Variants in SLC24A2 observed in about 807,000 individuals in gnomAD.
SLC24A2 encodes the protein solute carrier family 24 member 2.
A neutral mutation model predicts 62.0 loss-of-function variants in SLC24A2; 36 were observed. That is an observed-to-expected ratio of 0.58 (90% confidence interval 0.44 to 0.77). The LOEUF (loss-of-function observed/expected upper bound fraction) is 0.77. Ranked by LOEUF, SLC24A2 falls within the 30% of genes least tolerant of loss-of-function variation. SLC24A2 has a pLI of 0.00. For missense variants in SLC24A2, 846 were observed against 817.9 expected (o/e 1.03, Z -0.42); for synonymous variants, 358 against 294.0 (o/e 1.22, Z -2.23).
chr9:20,107,935 C>T, the SLC24A2 span, among the ~76,000 whole-genome samples: 62 of 152,216 alleles, frequency 4.1e-4, no homozygotes, highest in Middle Eastern at 0.01. Flanking sequence ...AAAATTTTCG[C>T]AACCTACTCA....
chr9:19,931,801 A>C, the SLC24A2 span, among the ~76,000 whole-genome samples: 3 of 152,362 alleles, frequency 2.0e-5, no homozygotes, highest in East Asian at 5.8e-4. Flanking sequence ...TATGTTCTTT[A>C]AACTCTCACC....
At chr9:19,784,620 G>A (rs948265780) in intron 2 of SLC24A2, among the ~76,000 whole-genome samples, 2 of 152,148 alleles carry the variant, frequency 1.3e-5, no homozygotes, top group African/African-American at 4.8e-5. Context: ...CACCTTTTTG[G>A]CTGCTAAGTT....
rs551773387 is a variant in SLC24A2 at position 19,619,772 on chromosome 9, G to T, written c.970-80C>A. 1.0e-4 allele frequency: 107 copies of T among 1,030,598 alleles called. No homozygotes were observed. The African/African-American group carries it at 1.4e-3, about 13-fold the overall frequency. The allele number at this position is 1,030,598 out of a possible 1,614,324, so 63.8% of individuals were successfully genotyped here. On this transcript the variant is annotated intron_variant, in intron 3 of 10. Transcript: ENST00000341998. ...TATAGACAAGATCCTCACCTAGTCTGGTGGCCACTCATTTCTGTCGCATGA... is the reference window on the plus strand; with the variant it reads ...TATAGACAAGATCCTCACCTAGTCTTGTGGCCACTCATTTCTGTCGCATGA...
chr9:19,879,407 G>C, the SLC24A2 span, among the ~76,000 whole-genome samples: 1 of 152,088 alleles, frequency 6.6e-6, no homozygotes, highest in Non-Finnish European at 1.5e-5. Context: ...TTTGAATTTA[G>C]GAAAACCTAT....
the SLC24A2 span, among the ~76,000 whole-genome samples, chr9:20,099,222 G>A: frequency 6.6e-6 from 1 of 152,192 alleles, no homozygotes; most frequent in Non-Finnish European, 1.5e-5. Context: ...GATATTTCTT[G>A]AAACATGTTA....
At chr9:19,566,853 C>A (rs959804767) in intron 7 of SLC24A2, among the ~76,000 whole-genome samples, 3 of 151,808 alleles carry the variant, frequency 2.0e-5, no homozygotes, top group African/African-American at 4.8e-5. Flanking sequence ...AGCAAACTAT[C>A]GCAAGAACAA....
chr9:20,097,357 A>T, the SLC24A2 span, among the ~76,000 whole-genome samples: 2 of 152,222 alleles, frequency 1.3e-5, no homozygotes, highest in Non-Finnish European at 2.9e-5. Flanking sequence ...GTCAGCAAAG[A>T]TTCACCACCA....
chr9:20,032,443 T>C, the SLC24A2 span, among the ~76,000 whole-genome samples: 4 of 152,328 alleles, frequency 2.6e-5, no homozygotes, highest in Admixed American at 6.5e-5. Context: ...TAAAGTGCAA[T>C]AATTACATCT....
At chr9:20,035,612 G>C in the SLC24A2 span, among the ~76,000 whole-genome samples, 173 of 152,196 alleles carry the variant, frequency 1.1e-3, no homozygotes, top group Non-Finnish European at 1.7e-3. Context: ...AAGTTAGCTG[G>C]GTGTGGTGGT....
the SLC24A2 span, among the ~76,000 whole-genome samples, chr9:19,891,080 C>G: frequency 5.9e-5 from 9 of 152,352 alleles, no homozygotes; most frequent in East Asian, 1.7e-3. Context: ...TGCATCCAGT[C>G]CATCTACAAG....
chr9:19,834,254 G>T, the SLC24A2 span, among the ~76,000 whole-genome samples: 1 of 152,140 alleles, frequency 6.6e-6, no homozygotes, highest in Non-Finnish European at 1.5e-5. Context: ...AGAGAAGAAG[G>T]CTTCAGAAGA....
chr9:20,203,796 T>C, the SLC24A2 span, among the ~76,000 whole-genome samples: 26 of 152,328 alleles, frequency 1.7e-4, no homozygotes, highest in Admixed American at 7.2e-4. Flanking sequence ...ACCCAAACTC[T>C]GTGGCAGCGG....
the SLC24A2 span, among the ~76,000 whole-genome samples, chr9:20,106,150 A>G: frequency 1.3e-5 from 2 of 152,224 alleles, no homozygotes; most frequent in African/African-American, 4.8e-5. Context: ...TAAACCAGGA[A>G]GAAGTTGAAT....
chr9:19,701,373 A>G (rs1820351701), intron 2 of SLC24A2, among the ~76,000 whole-genome samples: 1 of 152,190 alleles, frequency 6.6e-6, no homozygotes. Flanking sequence ...GTTGAGTGCT[A>G]AGGAATTCAT....
the SLC24A2 span, among the ~76,000 whole-genome samples, chr9:20,017,017 TTTTTA>T: frequency 6.6e-6 from 1 of 152,234 alleles, no homozygotes; most frequent in African/African-American, 2.4e-5. Context: ...TTAATCCTAC[TTTTTA>T]TTTTATTTTA....
At chr9:20,131,870 G>A in the SLC24A2 span, among the ~76,000 whole-genome samples, 1 of 152,110 alleles carries the variant, frequency 6.6e-6, no homozygotes, top group Non-Finnish European at 1.5e-5. Context: ...TTTATGGCCA[G>A]GTTAATCTGA....
At chr9:19,787,183 C>T (rs925147684) in intron 1 of SLC24A2, among the ~76,000 whole-genome samples, 164 bp from the exon 2 acceptor site, 13 of 152,150 alleles carry the variant, frequency 8.5e-5, no homozygotes, top group Admixed American at 2.0e-4. Flanking sequence ...GGGACAATTA[C>T]GGTACCTACC....
At chr9:20,183,864 T>C in the SLC24A2 span, among the ~76,000 whole-genome samples, 1 of 120,270 alleles carries the variant, frequency 8.3e-6, no homozygotes, top group East Asian at 2.4e-4. Flanking sequence ...AATGCAAACC[T>C]TGTATCACCT....
rs1832787103 is a variant in SLC24A2 at position 19,513,168 on chromosome 9, A to ATATATG, written c.*2984_*2985insCATATA. The ATATATG allele has an allele frequency of 1.7e-5, 1 of 60,184 alleles. No individual in the cohort carries two copies. Among genetic ancestry groups the ATATATG allele is most frequent in the African/African-American group, 6.4e-5 (1 of 15,528 alleles). 3.7% of individuals were successfully genotyped at this position (60,184 alleles called of 1,614,324 possible). ...CTGGTATAAAGATATATATATATAT[A>ATATATG]TATATATGTATATATATATATATGT... On this transcript the variant is annotated 3_prime_UTR_variant, in exon 11 of 11. Transcript: ENST00000341998.
Sources: gnomAD v4.1 joint callset for allele counts (sites outside exome capture counted in the v4.1 genomes callset) on GRCh38, gnomAD v4.1.1 for gene constraint, MANE v1.5 for transcripts, NCBI Gene and HGNC (gene_info 2026-07-23, HGNC 2026-07-21) for gene names.